Variants in HS3ST3B1 observed in about 807,000 individuals in gnomAD.
HS3ST3B1 encodes the protein heparan sulfate glucosamine 3-O-sulfotransferase 3B1.
Under a neutral mutation model 21.3 loss-of-function variants are expected in HS3ST3B1, and 13 were observed. The ratio of observed to expected loss-of-function variants is 0.61; its 90% CI spans 0.40 to 0.97. The LOEUF (loss-of-function observed/expected upper bound fraction) is 0.97. HS3ST3B1 is among the 50% of genes least tolerant of loss of function. The probability of loss-of-function intolerance (pLI) is 0.00; values close to 1 mark genes in which losing one functional copy is unlikely to be tolerated. For missense variants in HS3ST3B1, 459 were observed against 554.8 expected (o/e 0.83, Z 1.73); for synonymous variants, 234 against 254.8 (o/e 0.92, Z 0.78).
At chr17:14,305,742 C>T (rs1319964625) in intron 1 of HS3ST3B1, among the ~76,000 whole-genome samples, 2 of 152,062 alleles carry the variant, frequency 1.3e-5, no homozygotes, top group Admixed American at 6.6e-5. Context: ...CAAAGTATAC[C>T]GTACGTGTGT....
chr17:14,314,344 C>T (rs1376735350), intron 1 of HS3ST3B1, among the ~76,000 whole-genome samples: 1 of 152,192 alleles, frequency 6.6e-6, no homozygotes, highest in East Asian at 1.9e-4. Flanking sequence ...AAGTGCACAG[C>T]CTGACACTTT....
At chr17:14,314,947 A>G (rs532572967) in intron 1 of HS3ST3B1, among the ~76,000 whole-genome samples, 2 of 152,036 alleles carry the variant, frequency 1.3e-5, no homozygotes, top group Non-Finnish European at 2.9e-5. Flanking sequence ...TTCATTTTAC[A>G]CTTTTGTAGG....
chr17:14,312,310 G>A (rs932375774), intron 1 of HS3ST3B1, among the ~76,000 whole-genome samples: 5 of 152,228 alleles, frequency 3.3e-5, no homozygotes, highest in South Asian at 2.1e-4. Flanking sequence ...AGAAGGGAAC[G>A]ACTCCCTGAG....
intron 1 of HS3ST3B1, among the ~76,000 whole-genome samples, chr17:14,306,060 A>G (rs1185228603): frequency 6.6e-6 from 1 of 152,224 alleles, no homozygotes; most frequent in Non-Finnish European, 1.5e-5. Context: ...TTTATCATAT[A>G]GCATGGGTCC....
chr17:14,303,966 G>A lies in HS3ST3B1; in HGVS notation c.554+1894G>A, dbSNP rs76109634. The A allele has an allele frequency of 2.0e-5, 3 of 152,214 alleles. No individual in the cohort carries two copies. Among genetic ancestry groups the A allele is most frequent in the East Asian group, 3.8e-4 (2 of 5,200 alleles). 9.4% of individuals were successfully genotyped at this position (152,214 alleles called of 1,614,324 possible). A position where few individuals can be genotyped will look rare whatever the true frequency, so the allele number is the denominator to read the frequency against. On this transcript the variant is annotated intron_variant, in intron 1 of 1. Transcript: ENST00000360954. The surrounding 1 kb of genome is among the most constrained non-coding windows in gnomAD (Gnocchi z 5.7). ...GGGCAAGCTATGGAAATCCCCACAG[G>A]AAGGCTCACGCAGTCTCTTAGGCGG...
At chr17:14,341,244 G>T (rs1475806142) in intron 1 of HS3ST3B1, among the ~76,000 whole-genome samples, 4 of 152,230 alleles carry the variant, frequency 2.6e-5, no homozygotes, top group Non-Finnish European at 5.9e-5. Flanking sequence ...AATTCCGGCT[G>T]CAGAGTTCAG....
chr17:14,329,439 AAAGG>A (rs1909930487), intron 1 of HS3ST3B1: 2 of 150,938 alleles, frequency 1.3e-5, no homozygotes. Context: ...GGAAGGAAGG[AAAGG>A]AAGGGAGGGA....
At chr17:14,326,733 A>G (rs1909829214) in intron 1 of HS3ST3B1, among the ~76,000 whole-genome samples, 1 of 152,032 alleles carries the variant, frequency 6.6e-6, no homozygotes, top group South Asian at 2.1e-4. Context: ...AGCCTGGCCA[A>G]CATGATGAAA....
At chr17:14,341,642 T>C (rs1910386500) in intron 1 of HS3ST3B1, among the ~76,000 whole-genome samples, 1 of 152,106 alleles carries the variant, frequency 6.6e-6, no homozygotes. Flanking sequence ...TCAGACTCGG[T>C]GGCCTGACTT....
At chr17:14,310,003 G>A (rs1279391715) in intron 1 of HS3ST3B1, among the ~76,000 whole-genome samples, 2 of 152,198 alleles carry the variant, frequency 1.3e-5, no homozygotes, top group African/African-American at 2.4e-5. Flanking sequence ...TTTCTCTTTG[G>A]GGGGAAGAAA....
At chr17:14,308,517 G>T (rs904519326) in intron 1 of HS3ST3B1, among the ~76,000 whole-genome samples, 24 of 152,106 alleles carry the variant, frequency 1.6e-4, no homozygotes, top group African/African-American at 5.6e-4. Context: ...TACTGCACAG[G>T]TTTTGCCTCC....
chr17:14,328,385 C>T (rs1909882403), intron 1 of HS3ST3B1: 1 of 152,196 alleles, frequency 6.6e-6, no homozygotes, highest in Admixed American at 6.5e-5. Flanking sequence ...GTTGGGCTTA[C>T]TTTTCTCCTG....
chr17:14,302,844 G>A (rs1908988052), intron 1 of HS3ST3B1, among the ~76,000 whole-genome samples: 1 of 152,224 alleles, frequency 6.6e-6, no homozygotes, highest in Non-Finnish European at 1.5e-5. Flanking sequence ...CCTCGGTGCT[G>A]GGATAGGGAA....
chr17:14,342,425 C>T (rs1398959484), intron 1 of HS3ST3B1, among the ~76,000 whole-genome samples: 1 of 152,088 alleles, frequency 6.6e-6, no homozygotes, highest in African/African-American at 2.4e-5. Flanking sequence ...GTGATCAAAG[C>T]TTAGTATCCA....
At chr17:14,329,349 G>T (rs1243079078) in intron 1 of HS3ST3B1, 1 of 100,538 alleles carries the variant, frequency 9.9e-6, no homozygotes, top group African/African-American at 4.0e-5. Flanking sequence ...AAGAAAGAAA[G>T]AAAGAAAGAA....
intron 1 of HS3ST3B1, among the ~76,000 whole-genome samples, chr17:14,343,436 A>T (rs1226329684): frequency 6.6e-6 from 1 of 152,184 alleles, no homozygotes; most frequent in East Asian, 1.9e-4. Context: ...TTATTTCTCC[A>T]GTCTAACTGA....
In HS3ST3B1 at chr17:14,326,720, A is replaced by G. The variant is rs1022772734; in HGVS notation, c.555-18308A>G. ...GATCACTTGAGGTCAGGGGTTTGAG[A>G]CCAGCCTGGCCAACATGATGAAACC... On this transcript the variant is annotated intron_variant, in intron 1 of 1. Coordinates refer to ENST00000360954, the MANE Select transcript of HS3ST3B1 (RefSeq NM_006041.3). 6.4e-4 allele frequency among the ~76,000 whole-genome samples: 98 copies of G among 151,998 alleles called. 1 individual carries two copies. Among genetic ancestry groups the G allele is most frequent in the African/African-American group, 2.3e-3 (94 of 41,458 alleles).
chr17:14,335,625 C>T (rs561171949), intron 1 of HS3ST3B1, among the ~76,000 whole-genome samples: 3 of 151,474 alleles, frequency 2.0e-5, no homozygotes, highest in South Asian at 2.1e-4. Flanking sequence ...ACCGAGGAGG[C>T]GGAGGTTGCA....
chr17:14,323,955 C>A (rs988114735), intron 1 of HS3ST3B1, among the ~76,000 whole-genome samples: 1 of 152,026 alleles, frequency 6.6e-6, no homozygotes, highest in Non-Finnish European at 1.5e-5. Flanking sequence ...GCTTAAAGGT[C>A]TTTATTTGAT....
Sources: gnomAD v4.1 joint callset for allele counts (sites outside exome capture counted in the v4.1 genomes callset) on GRCh38, gnomAD v4.1.1 for gene constraint, Gnocchi (gnomAD v3.1) non-coding constraint, MANE v1.5 for transcripts, NCBI Gene and HGNC (gene_info 2026-07-23, HGNC 2026-07-21) for gene names.